The following IQSEC1 variants were observed in gnomAD, a reference collection of about 807,000 sequenced individuals.
IQSEC1 encodes IQ motif and Sec7 domain ArfGEF 1, also known as IQ motif and SEC7 domain-containing protein 1.
In IQSEC1, 31 loss-of-function variants were observed where a neutral mutation model predicts 91.0. The observed-to-expected ratio is 0.34, with a 90% confidence interval of 0.26 to 0.46. IQSEC1 has a LOEUF of 0.46. Ranked by LOEUF, IQSEC1 falls within the 20% of genes least tolerant of loss-of-function variation. The pLI, the probability that IQSEC1 is intolerant of heterozygous loss-of-function variation, is 1.00. For missense variants in IQSEC1, 1,388 were observed against 1,575.6 expected, an observed-to-expected ratio of 0.88 and a Z score of 2.02; for synonymous variants, 699 against 662.6, an observed-to-expected ratio of 1.05 and a Z score of -0.84.
At chr3:13,273,345 AG>A (rs1406127886) in intron 1 of IQSEC1, among the ~76,000 whole-genome samples, 1 of 152,140 alleles carries the variant, frequency 6.6e-6, no homozygotes, top group African/African-American at 2.4e-5. Context: ...AAGGTGAAAG[AG>A]GGGAGTGGCC....
intron 1 of IQSEC1, among the ~76,000 whole-genome samples, chr3:13,243,836 GA>G (rs1695064090): frequency 6.6e-6 from 1 of 152,228 alleles, no homozygotes; most frequent in Admixed American, 6.5e-5. Context: ...GAGAGCACTG[GA>G]TTCCTGCTGT....
At chr3:13,079,642 C>A (rs759896304) in intron 2 of IQSEC1, among the ~76,000 whole-genome samples, 1 of 152,340 alleles carries the variant, frequency 6.6e-6, no homozygotes, top group Middle Eastern at 3.4e-3. Context: ...GAGGAGCCTG[C>A]ATGAGAGGCT....
rs996069119 is a variant in IQSEC1, at chr3:12,924,614, T to C, written c.1697A>G (p.Asn566Ser). ...SRQMIGEFLG[N>S]RQKQFNRDVL... ...GTCACGGTTGAACTGCTTCTGCCGG[T>C]TGCCCAGGAACTCGCCGATCATCTG... The change falls in exon 4 of 14, where the codon AAC (asparagine) becomes AGC (serine). Residue 566 changes from asparagine to serine, a missense_variant. Transcript: ENST00000613206. The surrounding 1 kb of genome is among the most constrained non-coding windows in gnomAD (Gnocchi z 6.3). 2.5e-6 allele frequency: 4 copies of C among 1,609,138 alleles called. No homozygotes were observed. The highest frequency in any genetic ancestry group is 1.7e-5 in the Admixed American group (1 of 59,538).
intron 2 of IQSEC1, among the ~76,000 whole-genome samples, chr3:13,100,181 C>T (rs573937195): frequency 6.8e-6 from 1 of 147,870 alleles, no homozygotes; most frequent in Non-Finnish European, 1.5e-5. Flanking sequence ...GGTCCTAACC[C>T]CTCAGCTGTG....
chr3:13,166,081 C>T (rs930225381), intron 1 of IQSEC1, among the ~76,000 whole-genome samples: 3 of 152,186 alleles, frequency 2.0e-5, no homozygotes, highest in African/African-American at 7.2e-5. Context: ...GGCACTCCTA[C>T]AGGAAACTCC....
intron 1 of IQSEC1, among the ~76,000 whole-genome samples, chr3:13,066,317 T>A (rs75448588): frequency 0.012 from 1,763 of 152,380 alleles, 46 homozygotes; most frequent in South Asian, 0.094. Context: ...TTGTACCTTG[T>A]CAGGCCAGGC....
chr3:12,999,837 C>T (rs1409735643), intron 1 of IQSEC1, among the ~76,000 whole-genome samples: 2 of 152,234 alleles, frequency 1.3e-5, no homozygotes, highest in South Asian at 2.1e-4. Context: ...TCCCTTCTAG[C>T]TCTTCACTCT....
chr3:12,992,117 C>T lies in IQSEC1; in HGVS notation c.24-50252G>A, dbSNP rs1297522574. 6.6e-6 allele frequency among the ~76,000 whole-genome samples: 1 copy of T among 152,158 alleles called. No homozygotes were observed. The highest frequency in any genetic ancestry group is 1.5e-5 in the Non-Finnish European group (1 of 68,022). On this transcript the variant is annotated intron_variant, in intron 1 of 13. Transcript: ENST00000613206. This position sits in a 1 kb window ranked among gnomAD's most constrained non-coding sequence, Gnocchi z 4.1. Reference sequence around the variant, plus strand: ...CCTCCGAGCATTCCCCAGGAAGCAGCCCTCTCAGGATGACTGGGTTGCTGG... The same window carrying T: ...CCTCCGAGCATTCCCCAGGAAGCAGTCCTCTCAGGATGACTGGGTTGCTGG...
chr3:12,971,899 G>A (rs1035436706), intron 1 of IQSEC1, among the ~76,000 whole-genome samples: 18 of 152,070 alleles, frequency 1.2e-4, no homozygotes, highest in Non-Finnish European at 2.2e-4. Flanking sequence ...GTGGGTGCCT[G>A]TAATCCCAGC....
intron 1 of IQSEC1, among the ~76,000 whole-genome samples, chr3:13,033,012 G>A (rs964411078): frequency 9.2e-5 from 14 of 152,298 alleles, no homozygotes; most frequent in African/African-American, 2.9e-4. Flanking sequence ...ATGACCTCTC[G>A]CTTTACAATA....
chr3:13,278,212 G>A (rs1350305145), intron 1 of IQSEC1, among the ~76,000 whole-genome samples: 2 of 152,130 alleles, frequency 1.3e-5, no homozygotes, highest in Non-Finnish European at 2.9e-5. Context: ...AGGGCTGGAG[G>A]GGACCAGAAA....
chr3:12,975,725 T>C (rs1701136192), intron 1 of IQSEC1, among the ~76,000 whole-genome samples: 1 of 152,240 alleles, frequency 6.6e-6, no homozygotes, highest in South Asian at 2.1e-4. Flanking sequence ...TAGGGACTAT[T>C]CTATCTTCTC....
intron 1 of IQSEC1, among the ~76,000 whole-genome samples, chr3:13,217,365 G>A (rs373666180): frequency 2.0e-5 from 3 of 152,152 alleles, no homozygotes; most frequent in East Asian, 1.9e-4. Flanking sequence ...GTCTGGTGGC[G>A]GGGCTTCCTC....
At chr3:12,964,820 C>G (rs1246702617) in intron 1 of IQSEC1, among the ~76,000 whole-genome samples, 1 of 152,078 alleles carries the variant, frequency 6.6e-6, no homozygotes, top group African/African-American at 2.4e-5. Context: ...ACCGTATGCA[C>G]ACACAGATGC....
rs1702149911 is a variant in IQSEC1 at position 12,994,610 on chromosome 3, G to A, written c.24-52745C>T. ...CCTCCGAGGGAAAGCTGCAGCCCCG[G>A]CCGAAACGCCCCACCCCCGCCGCCG... On this transcript the variant is annotated intron_variant, in intron 1 of 13. Coordinates refer to ENST00000613206, the MANE Select transcript of IQSEC1 (RefSeq NM_001134382.3). The surrounding 1 kb of genome is among the most constrained non-coding windows in gnomAD (Gnocchi z 4.5). Among the ~76,000 whole-genome samples the A allele has an allele frequency of 6.6e-6, 1 of 152,148 alleles. No individual in the cohort carries two copies. Among genetic ancestry groups the A allele is most frequent in the South Asian group, 2.1e-4 (1 of 4,826 alleles).
At chr3:13,028,930 A>C (rs1160690209) in intron 1 of IQSEC1, among the ~76,000 whole-genome samples, 1 of 152,186 alleles carries the variant, frequency 6.6e-6, no homozygotes, top group African/African-American at 2.4e-5. Context: ...TGCGCTGGCC[A>C]AGGGATCCTC....
chr3:13,202,434 G>A (rs1204038509), intron 1 of IQSEC1, among the ~76,000 whole-genome samples: 1 of 152,216 alleles, frequency 6.6e-6, no homozygotes, highest in Non-Finnish European at 1.5e-5. Flanking sequence ...TAAACAGAAT[G>A]TGGTGCACCC....
chr3:13,209,805 C>G (rs750997875), intron 1 of IQSEC1, among the ~76,000 whole-genome samples: 1 of 152,208 alleles, frequency 6.6e-6, no homozygotes, highest in African/African-American at 2.4e-5. Flanking sequence ...TGCTGCTGTG[C>G]GTGCTCCCTT....
In IQSEC1 at chr3:12,909,013, C is replaced by T. The variant is rs141545908; in HGVS notation, c.2578+260G>A. ...CAGCTGGGAACTCTGCGGGCTCTTG[C>T]GCACGGGATGACCAGAGAGCCAGGG... is the stretch of plus-strand genomic sequence containing the variant. On this transcript the variant is annotated intron_variant, in intron 11 of 13. Coordinates refer to ENST00000613206, the MANE Select transcript of IQSEC1 (RefSeq NM_001134382.3). The surrounding 1 kb of genome is among the most constrained non-coding windows in gnomAD (Gnocchi z 4.9). Among the ~76,000 whole-genome samples the T allele has an allele frequency of 2.7e-3, 410 of 152,238 alleles. 5 individuals are homozygous for T. The highest frequency in any genetic ancestry group is 0.024 in the Middle Eastern group (7 of 294).
Sources: allele counts gnomAD v4.1 joint callset (sites outside exome capture counted in the v4.1 genomes callset), GRCh38; gene constraint gnomAD v4.1.1; non-coding constraint Gnocchi (gnomAD v3.1); transcripts MANE v1.5; gene names NCBI Gene and HGNC (gene_info 2026-07-23, HGNC 2026-07-21).